Variants in ANGPT1 observed in about 807,000 individuals in gnomAD.
The protein encoded by ANGPT1 is angiopoietin-1.
In ANGPT1, 17 loss-of-function variants were observed where a neutral mutation model predicts 62.2. The observed-to-expected ratio is 0.27, with a 90% CI of 0.19 to 0.41. The LOEUF (loss-of-function observed/expected upper bound fraction) is 0.41, where lower values mean the gene tolerates loss of function less well. Among genes scored for constraint, ANGPT1 ranks in the 10% least tolerant of loss-of-function variants. The pLI is 1.00. For synonymous variants in ANGPT1, 199 were observed against 198.9 expected (o/e 1.00, Z 0.00); for missense variants, 478 against 594.9 (o/e 0.80, Z 2.04).
intron 1 of ANGPT1, among the ~76,000 whole-genome samples, chr8:107,435,186 C>T (rs900511987): frequency 4.6e-5 from 7 of 152,106 alleles, no homozygotes; most frequent in African/African-American, 1.4e-4. Flanking sequence ...GTGCAAACTG[C>T]ACTTGTCTGT....
At chr8:107,269,324 A>C (rs1369608432) in intron 7 of ANGPT1, among the ~76,000 whole-genome samples, 2 of 151,990 alleles carry the variant, frequency 1.3e-5, no homozygotes, top group Non-Finnish European at 2.9e-5. Flanking sequence ...AAAAAAAAAA[A>C]ACTTCTTTGA....
At chr8:107,447,356 A>G (rs1464464738) in intron 1 of ANGPT1, among the ~76,000 whole-genome samples, 3 of 152,200 alleles carry the variant, frequency 2.0e-5, no homozygotes, top group Non-Finnish European at 4.4e-5. Flanking sequence ...CCTCTATGGT[A>G]CAGAATTATG....
intron 1 of ANGPT1, among the ~76,000 whole-genome samples, chr8:107,425,015 C>T (rs1811000376): frequency 6.6e-6 from 1 of 152,144 alleles, no homozygotes; most frequent in South Asian, 2.1e-4. Context: ...GCTGAGACTA[C>T]AGGCACGTGT....
At chr8:107,446,641 A>G (rs147974454) in intron 1 of ANGPT1, among the ~76,000 whole-genome samples, 1 of 152,344 alleles carries the variant, frequency 6.6e-6, no homozygotes, top group African/African-American at 2.4e-5. Context: ...AGCTATGGCT[A>G]AGCAGGGAGG....
At chr8:107,326,002 G>A (rs1172058615) in intron 3 of ANGPT1, among the ~76,000 whole-genome samples, 3 of 152,070 alleles carry the variant, frequency 2.0e-5, no homozygotes, top group Admixed American at 2.0e-4. Context: ...TGAGTAAAAG[G>A]AATACATAAT....
chr8:107,373,660 G>A (rs1816463499), intron 1 of ANGPT1, among the ~76,000 whole-genome samples: 1 of 152,078 alleles, frequency 6.6e-6, no homozygotes, highest in Admixed American at 6.5e-5. Flanking sequence ...TCTTTCTAGG[G>A]GCTCTCTTGA....
At chr8:107,432,265 T>C (rs1426576601) in intron 1 of ANGPT1, among the ~76,000 whole-genome samples, 1 of 138,526 alleles carries the variant, frequency 7.2e-6, no homozygotes, top group Non-Finnish European at 1.6e-5. Context: ...GGATTATTCC[T>C]TTTCTATAAC....
chr8:107,373,935 C>G (rs542760501), intron 1 of ANGPT1, among the ~76,000 whole-genome samples: 1 of 152,288 alleles, frequency 6.6e-6, no homozygotes, highest in South Asian at 2.1e-4. Flanking sequence ...CCTATGCTAG[C>G]ACTCAACTCG....
At position 107,322,077 on chromosome 8, in the gene ANGPT1, C is replaced by T. The variant is rs749211851; in HGVS notation, c.627G>A (p.Leu209=). The change falls in exon 4 of 9, where the codon TTG becomes TTA. Residue 209 remains leucine (L), a synonymous_variant. Coordinates refer to ENST00000517746, the MANE Select transcript of ANGPT1 (RefSeq NM_001146.5). The part of the protein sequence containing the change: ...LEMEGKHKEE[L]DTLKEEKENL... ...TCTCTTTCTCTTCCTTTAAGGTGTCCAACTCTTCCTTGTGTTTTCCTTCCA... is the reference window on the plus strand; with the variant it reads ...TCTCTTTCTCTTCCTTTAAGGTGTCTAACTCTTCCTTGTGTTTTCCTTCCA... The T allele has an allele frequency of 6.2e-7, 1 of 1,613,812 alleles. No homozygotes were observed. The highest frequency in any genetic ancestry group is 1.1e-5 in the South Asian group (1 of 91,048).
chr8:107,471,176 A>C (rs1586350239), intron 1 of ANGPT1, among the ~76,000 whole-genome samples: 1 of 152,290 alleles, frequency 6.6e-6, no homozygotes, highest in African/African-American at 2.4e-5. Flanking sequence ...CTGGATAAAG[A>C]AAATGTGGCA....
chr8:107,288,248 A>C (rs565660715), intron 6 of ANGPT1, among the ~76,000 whole-genome samples: 47 of 152,284 alleles, frequency 3.1e-4, no homozygotes, highest in African/African-American at 1.0e-3. Flanking sequence ...AACTGATTTC[A>C]ATTGGGACTA....
chr8:107,383,921 T>A (rs1816685917), intron 1 of ANGPT1, among the ~76,000 whole-genome samples: 1 of 152,154 alleles, frequency 6.6e-6, no homozygotes, highest in African/African-American at 2.4e-5. Flanking sequence ...CACCTTTCTG[T>A]AATCTAATGA....
chr8:107,431,367 G>A (rs945081199), intron 1 of ANGPT1, among the ~76,000 whole-genome samples: 2 of 151,896 alleles, frequency 1.3e-5, no homozygotes, highest in Admixed American at 6.6e-5. Context: ...ACAGAGCAGA[G>A]GAGGAATTTT....
intron 1 of ANGPT1, among the ~76,000 whole-genome samples, chr8:107,428,120 AC>A (rs1165160352): frequency 1.3e-5 from 2 of 152,192 alleles, no homozygotes; most frequent in African/African-American, 4.8e-5. Context: ...CTTATTACCA[AC>A]CACAAAGCAA....
At chr8:107,280,610 C>A (rs529156971) in intron 7 of ANGPT1, among the ~76,000 whole-genome samples, 1 of 152,176 alleles carries the variant, frequency 6.6e-6, no homozygotes, top group East Asian at 1.9e-4. Context: ...ATAGCATAAA[C>A]AAAGGCATGG....
intron 1 of ANGPT1, among the ~76,000 whole-genome samples, chr8:107,496,780 T>G (rs1813111257): frequency 6.6e-6 from 1 of 152,188 alleles, no homozygotes; most frequent in Non-Finnish European, 1.5e-5. Flanking sequence ...ATTTTATATT[T>G]ACTCTCACTT....
At chr8:107,373,826 G>T (rs1184326308) in intron 1 of ANGPT1, among the ~76,000 whole-genome samples, 2 of 152,144 alleles carry the variant, frequency 1.3e-5, no homozygotes, top group Admixed American at 1.3e-4. Flanking sequence ...TAAAAACAGA[G>T]AATTAAGTAG....
intron 1 of ANGPT1, among the ~76,000 whole-genome samples, chr8:107,477,272 GGA>G (rs1264922399): frequency 7.2e-5 from 11 of 152,088 alleles, no homozygotes; most frequent in Non-Finnish European, 8.8e-5. Flanking sequence ...GGATGGAGCG[GGA>G]GAGAGTTAGG....
At chr8:107,324,137 GC>G (rs540714083) in intron 3 of ANGPT1, among the ~76,000 whole-genome samples, 2 of 144,798 alleles carry the variant, frequency 1.4e-5, no homozygotes, top group South Asian at 2.1e-4. Context: ...GCCCATGCTT[GC>G]CCCCCAGCCA....
Sources: allele counts gnomAD v4.1 joint callset (sites outside exome capture counted in the v4.1 genomes callset), GRCh38; gene constraint gnomAD v4.1.1; transcripts MANE v1.5; gene names NCBI Gene and HGNC (gene_info 2026-07-23, HGNC 2026-07-21).